OTUD3: variants seen among roughly 807,000 people sequenced by gnomAD.
OTUD3 encodes OTU domain-containing protein 3.
OTUD3 carries 24 observed loss-of-function variants against 46.2 expected under a neutral mutation model. The observed-to-expected ratio is 0.52, with a 90% CI of 0.38 to 0.73. The LOEUF is 0.73. Among genes scored for constraint, OTUD3 ranks in the 30% least tolerant of loss-of-function variants. OTUD3 has a pLI of 0.00. For synonymous variants in OTUD3, 189 were observed against 195.4 expected, an observed-to-expected ratio of 0.97 and a Z score of 0.27; for missense variants, 455 against 523.3, an observed-to-expected ratio of 0.87 and a Z score of 1.27.
intron 2 of OTUD3, 57 bp downstream of exon 2, chr1:19,890,590 C>T (rs2045432984): frequency 7.0e-7 from 1 of 1,418,730 alleles, no homozygotes; most frequent in Non-Finnish European, 9.9e-7. Context: ...GTAATTAAGT[C>T]CACTGGCATC....
intron 1 of OTUD3, 96 bp from the exon 2 acceptor site, chr1:19,890,289 A>G (rs1282475698): frequency 3.3e-5 from 42 of 1,287,506 alleles, no homozygotes; most frequent in Middle Eastern, 1.9e-4. Context: ...TGTGTGCACA[A>G]AATATTTCCA....
chr1:19,907,713 C>T lies in OTUD3; in HGVS notation c.1164C>T (p.Thr388=). The change falls in exon 8 of 8, where the codon ACC becomes ACT. Residue 388 remains threonine, a synonymous_variant. Transcript: ENST00000375120. ...AAGCAGAGGCGAACACGCAGGTCAC[C>T]TTGGTGAAGACCTTCGCCGCTCTCA... The part of the protein sequence containing the change: ...RSEAEANTQV[T]LVKTFAALNI The T allele has an allele frequency of 6.2e-7, 1 of 1,614,222 alleles. No homozygotes were observed. The highest frequency in any genetic ancestry group is 8.5e-7 in the Non-Finnish European group (1 of 1,180,030).
chr1:19,903,220 T>C (rs2100310259), intron 4 of OTUD3, among the ~76,000 whole-genome samples: 1 of 152,032 alleles, frequency 6.6e-6, no homozygotes, highest in South Asian at 2.1e-4. Context: ...AATAATTCTT[T>C]TGTATTTTTT....
intron 1 of OTUD3, 51 bp downstream of exon 1, chr1:19,882,785 C>A: frequency 8.0e-7 from 1 of 1,256,452 alleles, no homozygotes; most frequent in South Asian, 2.8e-5. Context: ...GCGCCGGGCT[C>A]GGCCTGGCGA....
chr1:19,906,161 A>T (rs2045658731), intron 6 of OTUD3, among the ~76,000 whole-genome samples: 1 of 152,256 alleles, frequency 6.6e-6, no homozygotes, highest in African/African-American at 2.4e-5. Context: ...ATAAAAATTC[A>T]TGTTAAGACA....
Position 19,904,957 on chromosome 1 carries a change from G to T in OTUD3, c.805G>T (p.Val269Leu). The change falls in exon 6 of 8, where the codon GTG becomes TTG. Residue 269 changes from valine to leucine, a missense_variant. Transcript: ENST00000375120. ...TAATATTGAATCTGCAATAATTGCC[G>T]TGCTTCGGATGAACCAAGGGAAGAG... Reference protein sequence around the residue: ...NYNIESAIIAVLRMNQGKRNN... With the variant: ...NYNIESAIIALLRMNQGKRNN... 1.9e-6 allele frequency: 3 copies of T among 1,590,168 alleles called. No homozygotes were observed. Among genetic ancestry groups the T allele is most frequent in the Non-Finnish European group, 2.6e-6 (3 of 1,159,170 alleles).
chr1:19,903,555 G>T (rs1216681965), intron 4 of OTUD3, among the ~76,000 whole-genome samples: 2 of 152,106 alleles, frequency 1.3e-5, no homozygotes, highest in African/African-American at 2.4e-5. Flanking sequence ...AACTGTCTTT[G>T]CCCATTTACC....
At chr1:19,888,635 T>C (rs753322999) in intron 1 of OTUD3, among the ~76,000 whole-genome samples, 5 of 152,244 alleles carry the variant, frequency 3.3e-5, no homozygotes, top group Non-Finnish European at 5.9e-5. Flanking sequence ...ACTTGGATCC[T>C]GGGCCTACCA....
chr1:19,897,578 C>T lies in OTUD3; in HGVS notation c.522C>T (p.His174=). The change falls in exon 4 of 8, where the codon CAC becomes CAT. Residue 174 remains histidine, a synonymous_variant. Transcript: ENST00000375120. ...GTEKSSVREL[H]IAYRYGEHYD... The stretch of plus-strand genomic sequence containing the variant: ...AGAAAAGCAGCGTGAGGGAGTTACA[C>T]ATCGCATATCGGTATGGAGAGCACT... The T allele has an allele frequency of 1.9e-6, 3 of 1,614,002 alleles. No homozygotes were observed. Among genetic ancestry groups the T allele is most frequent in the Non-Finnish European group, 2.5e-6 (3 of 1,179,912 alleles).
chr1:19,904,797 C>T (rs1183774791), intron 5 of OTUD3, 94 bp from the exon 6 acceptor site: 2 of 683,694 alleles, frequency 2.9e-6, no homozygotes, highest in Non-Finnish European at 5.2e-6. Context: ...CTCACTATTA[C>T]ATCTTTATGT....
At position 19,907,797 on chromosome 1, in the gene OTUD3, G is replaced by A; in HGVS notation, c.*51G>A. The A allele has an allele frequency of 2.6e-6, 4 of 1,558,298 alleles. No individual in the cohort carries two copies. The highest frequency in any genetic ancestry group is 2.3e-5 in the South Asian group (2 of 86,804). On this transcript the variant is annotated 3_prime_UTR_variant, in exon 8 of 8. Coordinates refer to ENST00000375120, the MANE Select transcript of OTUD3 (RefSeq NM_015207.2). ...GAAGCGGCTGGAAAAGGATTGCTGT[G>A]TGCTAGACTTTCCAGTGAGGCCGTC...
intron 4 of OTUD3, among the ~76,000 whole-genome samples, chr1:19,898,122 A>G (rs1253278842): frequency 1.3e-5 from 2 of 151,430 alleles, no homozygotes; most frequent in East Asian, 2.0e-4. Flanking sequence ...CTAATTTTGT[A>G]TTTTTAGTAG....
chr1:19,899,221 T>TC (rs35443474), intron 4 of OTUD3, among the ~76,000 whole-genome samples: 1 of 152,210 alleles, frequency 6.6e-6, no homozygotes, highest in African/African-American at 2.4e-5. Context: ...CACACTGTTT[T>TC]CCCTGGATGC....
chr1:19,904,476 C>A, intron 5 of OTUD3, 78 bp downstream of exon 5: 1 of 1,377,918 alleles, frequency 7.3e-7, no homozygotes, highest in Non-Finnish European at 1.0e-6. Context: ...TTCGTAGCAC[C>A]TCTCTAGCAT....
intron 1 of OTUD3, among the ~76,000 whole-genome samples, chr1:19,889,200 A>G (rs1295292285): frequency 3.9e-5 from 6 of 151,958 alleles, no homozygotes; most frequent in African/African-American, 1.2e-4. Context: ...AGAACTCTAT[A>G]TTCCACTCCT....
intron 1 of OTUD3, 59 bp from the exon 2 acceptor site, chr1:19,890,326 G>T: frequency 1.3e-6 from 2 of 1,530,174 alleles, no homozygotes; most frequent in Non-Finnish European, 9.0e-7. Context: ...AAGCATCATT[G>T]TTTTAGACGA....
At chr1:19,885,216 C>T (rs967694999) in intron 1 of OTUD3, among the ~76,000 whole-genome samples, 1 of 152,208 alleles carries the variant, frequency 6.6e-6, no homozygotes, top group African/African-American at 2.4e-5. Context: ...GTGCTCATGT[C>T]TCTCTTCCAA....
chr1:19,893,378 A>G (rs1008802913), intron 2 of OTUD3, among the ~76,000 whole-genome samples: 4 of 152,150 alleles, frequency 2.6e-5, no homozygotes, highest in East Asian at 1.9e-4. Context: ...CTACTAGCCA[A>G]AGGAAGAGAT....
At chr1:19,904,082 G>A (rs1159357871) in intron 4 of OTUD3, among the ~76,000 whole-genome samples, 185 bp from the exon 5 acceptor site, 2 of 152,144 alleles carry the variant, frequency 1.3e-5, no homozygotes, top group Admixed American at 6.5e-5. Flanking sequence ...CAATTCCTCT[G>A]TTGTGACTCA....
Sources: allele counts gnomAD v4.1 joint callset (sites outside exome capture counted in the v4.1 genomes callset), GRCh38; gene constraint gnomAD v4.1.1; transcripts MANE v1.5; gene names NCBI Gene and HGNC (gene_info 2026-07-23, HGNC 2026-07-21).